The following ARPP21 variants were observed in gnomAD, a reference collection of about 807,000 sequenced individuals.
The protein encoded by ARPP21 is cAMP regulated phosphoprotein 21.
Under a neutral mutation model 113.2 loss-of-function variants are expected in ARPP21, and 69 were observed. That is an observed-to-expected ratio of 0.61 (90% CI 0.50 to 0.74). The LOEUF is 0.74. ARPP21 is among the 30% of genes least tolerant of loss of function. The pLI is 0.00. For missense variants in ARPP21, 1,070 were observed against 1,037.4 expected (o/e 1.03, Z -0.43); for synonymous variants, 368 against 375.5 (o/e 0.98, Z 0.23).
intron 1 of ARPP21, among the ~76,000 whole-genome samples, chr3:35,672,880 T>C (rs1362832440): frequency 6.6e-6 from 1 of 152,036 alleles, no homozygotes; most frequent in Admixed American, 6.6e-5. Context: ...ATGTATTTGA[T>C]GTGAGGATAA....
At chr3:35,667,843 A>T (rs868156645) in intron 1 of ARPP21, among the ~76,000 whole-genome samples, 10,009 of 83,810 alleles carry the variant, frequency 0.12, 1,027 homozygotes, top group East Asian at 0.35. Flanking sequence ...TTATTCTCAA[A>T]GAAGAAGAAG....
intron 1 of ARPP21, among the ~76,000 whole-genome samples, chr3:35,669,070 T>A (rs144637493): frequency 6.6e-6 from 1 of 152,276 alleles, no homozygotes; most frequent in African/African-American, 2.4e-5. Context: ...TTCCTCCAAA[T>A]ATTTCATATT....
chr3:35,760,716 A>G (rs2095742057), intron 19 of ARPP21, among the ~76,000 whole-genome samples: 1 of 152,092 alleles, frequency 6.6e-6, no homozygotes, highest in Non-Finnish European at 1.5e-5. Context: ...CACTGTGGAT[A>G]TTAGACTTTC....
At chr3:35,718,029 A>G (rs572714954) in intron 13 of ARPP21, among the ~76,000 whole-genome samples, 2 of 152,298 alleles carry the variant, frequency 1.3e-5, no homozygotes, top group Non-Finnish European at 2.9e-5. Flanking sequence ...CTCAGTATCC[A>G]ATACATATAT....
intron 6 of ARPP21, 127 bp downstream of exon 6, chr3:35,688,010 A>G (rs1055873378): frequency 5.0e-6 from 4 of 806,498 alleles, no homozygotes; most frequent in Non-Finnish European, 7.5e-6. Context: ...ACGTGTACGT[A>G]TCTGTGTGTG....
intron 1 of ARPP21, among the ~76,000 whole-genome samples, chr3:35,657,028 G>A (rs1471775860): frequency 1.3e-5 from 2 of 151,954 alleles, no homozygotes; most frequent in African/African-American, 4.8e-5. Flanking sequence ...GGCAAATTTT[G>A]GAATTTGGAA....
At chr3:35,692,059 CTG>C (rs1197822743) in intron 9 of ARPP21, among the ~76,000 whole-genome samples, 1 of 151,536 alleles carries the variant, frequency 6.6e-6, no homozygotes, top group African/African-American at 2.4e-5. Flanking sequence ...AGAGCACAAA[CTG>C]AGAGATCTGG....
At chr3:35,723,666 A>G (rs2093310194) in intron 14 of ARPP21, among the ~76,000 whole-genome samples, 1 of 152,206 alleles carries the variant, frequency 6.6e-6, no homozygotes, top group Admixed American at 6.5e-5. Flanking sequence ...AGATTTTTAA[A>G]TTAATAGTCA....
intron 12 of ARPP21, 99 bp from the exon 13 acceptor site, chr3:35,717,199 G>A: frequency 1.5e-6 from 1 of 662,664 alleles, no homozygotes; most frequent in Non-Finnish European, 2.7e-6. Flanking sequence ...ACTTTGTATG[G>A]GATTGATTTG....
intron 1 of ARPP21, among the ~76,000 whole-genome samples, chr3:35,674,526 A>G (rs2077035866): frequency 1.3e-5 from 2 of 151,858 alleles, no homozygotes; most frequent in Non-Finnish European, 2.9e-5. Context: ...TTAAAAAATT[A>G]TGATGCCTAC....
chr3:35,675,532 T>C (rs1403953037), intron 1 of ARPP21, among the ~76,000 whole-genome samples: 2 of 151,864 alleles, frequency 1.3e-5, no homozygotes, highest in African/African-American at 4.8e-5. Context: ...CTCATTCAGA[T>C]TATTGACATC....
At chr3:35,695,185 G>A (rs943528959) in intron 9 of ARPP21, among the ~76,000 whole-genome samples, 4 of 151,378 alleles carry the variant, frequency 2.6e-5, no homozygotes, top group Non-Finnish European at 5.9e-5. Context: ...CAAGTGCGGT[G>A]AGAAGCAATG....
Position 35,721,701 on chromosome 3 carries a change from C to T in ARPP21, c.1092C>T (p.Ser364=). ...KWSDHQRAWS[S]TDSDSSNRNL... ...CTGACCACCAAAGGGCCTGGAGCAG[C>T]ACAGACTCCGACAGTTCCAACCGCA... is the stretch of plus-strand genomic sequence containing the variant. The change falls in exon 14 of 21, where the codon AGC becomes AGT. Residue 364 remains serine (S), a synonymous_variant. Coordinates refer to ENST00000684406, the MANE Select transcript of ARPP21 (RefSeq NM_001385562.1). 6.2e-7 allele frequency: 1 copy of T among 1,613,874 alleles called. No individual in the cohort carries two copies. The highest frequency in any genetic ancestry group is 8.5e-7 in the Non-Finnish European group (1 of 1,179,882).
At chr3:35,669,760 T>C (rs948715044) in intron 1 of ARPP21, among the ~76,000 whole-genome samples, 3 of 152,184 alleles carry the variant, frequency 2.0e-5, no homozygotes, top group African/African-American at 7.2e-5. Flanking sequence ...GTCTGTAAAG[T>C]ACACTTTAAG....
chr3:35,656,018 T>A (rs1704693926), intron 1 of ARPP21, among the ~76,000 whole-genome samples: 1 of 152,088 alleles, frequency 6.6e-6, no homozygotes, highest in African/African-American at 2.4e-5. Context: ...GATTTTATAA[T>A]CTAAAAACAA....
At chr3:35,759,203 G>A (rs993250587) in intron 19 of ARPP21, among the ~76,000 whole-genome samples, 6 of 151,990 alleles carry the variant, frequency 3.9e-5, no homozygotes, top group Non-Finnish European at 7.4e-5. Flanking sequence ...TCTAACTGAG[G>A]TCTAAATCCA....
At chr3:35,756,428 G>C (rs767460598) in intron 19 of ARPP21, among the ~76,000 whole-genome samples, 17 of 152,026 alleles carry the variant, frequency 1.1e-4, no homozygotes, top group Non-Finnish European at 2.2e-4. Context: ...TTACCAACGT[G>C]CAGTAGCCTT....
chr3:35,743,756 A>G, intron 18 of ARPP21, 83 bp from the exon 19 acceptor site: 3 of 1,464,422 alleles, frequency 2.0e-6, no homozygotes, highest in Admixed American at 1.7e-5. Context: ...TACCACAATT[A>G]TAAGACGAAA....
intron 11 of ARPP21, among the ~76,000 whole-genome samples, chr3:35,711,557 C>G (rs2091132003): frequency 6.6e-6 from 1 of 152,206 alleles, no homozygotes. Context: ...CACTTATCAT[C>G]TCACAATTTC....
Sources: allele counts gnomAD v4.1 joint callset (sites outside exome capture counted in the v4.1 genomes callset), GRCh38; gene constraint gnomAD v4.1.1; transcripts MANE v1.5; gene names NCBI Gene and HGNC (gene_info 2026-07-23, HGNC 2026-07-21).